CROCC2: variants seen among roughly 807,000 people sequenced by gnomAD.
CROCC2 encodes ciliary rootlet coiled-coil protein 2.
Under a neutral mutation model 177.6 loss-of-function variants are expected in CROCC2, and 163 were observed. That is an observed-to-expected ratio of 0.92 (90% CI 0.81 to 1.05). The LOEUF (loss-of-function observed/expected upper bound fraction) is 1.05, where lower values mean the gene tolerates loss of function less well. CROCC2 is among the 50% of genes least tolerant of loss of function. The pLI is 0.00. For missense variants in CROCC2, 1,929 were observed against 1,797.8 expected, an observed-to-expected ratio of 1.07 and a Z score of -1.32; for synonymous variants, 904 against 787.3, an observed-to-expected ratio of 1.15 and a Z score of -2.48.
chr2:240,965,482 C>A lies in CROCC2; in HGVS notation c.3567C>A (p.Ala1189=). The change falls in exon 23 of 32, where the codon GCC becomes GCA. Residue 1189 remains alanine, a synonymous_variant. Coordinates refer to ENST00000690015, the MANE Select transcript of CROCC2 (RefSeq NM_001351305.2). ...TGCTGGAGCTGCGGAGGCAGGCAGC[C>A]AAGGCAGAGGCCAAGCACGAGGGTG... ...QEVLELRRQA[A]KAEAKHEGAR... The A allele has an allele frequency of 6.5e-7, 1 of 1,550,076 alleles. No individual in the cohort carries two copies. Among genetic ancestry groups the A allele is most frequent in the South Asian group, 1.2e-5 (1 of 84,046 alleles).
rs946367433 is a variant in CROCC2, at chr2:240,911,987, A to G, written c.78+5396A>G. The stretch of plus-strand genomic sequence containing the variant: ...ATATTTCTTCGAGCCTCTGCTTTCA[A>G]TTCTTTCGGGCAGATGCCCAGAAGT... On this transcript the variant is annotated intron_variant, in intron 1 of 31. Transcript: ENST00000690015. Among the ~76,000 whole-genome samples the G allele has an allele frequency of 3.9e-5, 6 of 152,134 alleles. No homozygotes were observed. In the East Asian group the frequency reaches 9.6e-4, roughly 24 times the overall value.
chr2:240,962,057 C>T (rs1309066290), intron 20 of CROCC2, among the ~76,000 whole-genome samples: 1 of 140,826 alleles, frequency 7.1e-6, no homozygotes, highest in Admixed American at 7.1e-5. Context: ...CACACATACA[C>T]TCACACTCAC....
chr2:240,934,266 G>C, intron 11 of CROCC2, 65 bp from the exon 12 acceptor site: 1 of 1,515,956 alleles, frequency 6.6e-7, no homozygotes, highest in African/African-American at 1.4e-5. Flanking sequence ...TCGCCTGCCT[G>C]AAATCCCATG....
At chr2:240,946,037 T>A (rs1320907126) in intron 14 of CROCC2, 23 bp from the exon 15 acceptor site, 2 of 1,471,366 alleles carry the variant, frequency 1.4e-6, no homozygotes, top group Non-Finnish European at 1.8e-6. Flanking sequence ...CTCTGCCGAC[T>A]GTCCCCTCCC....
rs2059736884 is a variant in CROCC2 at position 240,973,476 on chromosome 2, C to T, written c.4401+5214C>T. 6.6e-6 allele frequency among the ~76,000 whole-genome samples: 1 copy of T among 152,210 alleles called. No individual in the cohort carries two copies. The highest frequency in any genetic ancestry group is 1.5e-5 in the Non-Finnish European group (1 of 68,044). On this transcript the variant is annotated intron_variant, in intron 27 of 31. Transcript: ENST00000690015. The surrounding 1 kb of genome is among the most constrained non-coding windows in gnomAD (Gnocchi z 4.7). ...GCGCCCAGTCACAGCCTCCGTGGCT[C>T]AGGGAAGCTCACGGCGTTCTTGGAC... is the stretch of plus-strand genomic sequence containing the variant.
intron 15 of CROCC2, among the ~76,000 whole-genome samples, chr2:240,947,010 T>G (rs2059528244): frequency 6.6e-6 from 1 of 152,264 alleles, no homozygotes; most frequent in South Asian, 2.1e-4. Flanking sequence ...TGTTGCCTGG[T>G]GATCTGAATG....
intron 1 of CROCC2, among the ~76,000 whole-genome samples, chr2:240,911,648 C>T (rs532398614): frequency 1.1e-4 from 16 of 151,802 alleles, no homozygotes; most frequent in African/African-American, 3.4e-4. Context: ...TCAACATTCA[C>T]GCCCCATTCC....
In CROCC2 at chr2:240,964,472, G is replaced by A; in HGVS notation, c.3312G>A (p.Lys1104=). The A allele has an allele frequency of 6.5e-7, 1 of 1,548,570 alleles. No homozygotes were observed. Among genetic ancestry groups the A allele is most frequent in the Non-Finnish European group, 8.7e-7 (1 of 1,146,800 alleles). The part of the protein sequence containing the change: ...CRAEQEKASF[K]RSKEEKEQKL... ...CCTGTGGCACCCTCGTCAGTTTTAA[G>A]CGGTCCAAGGAGGAGAAGGAGCAGA... Residue 1104 remains lysine, a synonymous_variant, in exon 22 of 32, where the codon AAG becomes AAA. Transcript: ENST00000690015.
rs186780930 is a variant in CROCC2 at position 240,963,582 on chromosome 2, C to T, written c.3114C>T (p.Thr1038=). ...CTGAGAGGCTGCGGGCACAGCTGAC[C>T]GTGGCCCAGGAGGGACTGGCCGCAC... ...REAERLRAQL[T]VAQEGLAALR... Residue 1038 remains threonine (T), a synonymous_variant, in exon 21 of 32, where the codon ACC becomes ACT. Transcript: ENST00000690015. The T allele has an allele frequency of 2.1e-4, 323 of 1,545,648 alleles. 2 individuals carry two copies. The African/African-American group carries it at 4.0e-3, about 19-fold the overall frequency.
intron 7 of CROCC2, among the ~76,000 whole-genome samples, chr2:240,931,339 T>C (rs2059430049): frequency 6.6e-6 from 1 of 152,156 alleles, no homozygotes; most frequent in Non-Finnish European, 1.5e-5. Flanking sequence ...CACTGGGGTC[T>C]CCTACAGTGA....
chr2:240,927,053 T>C (rs1006170404), intron 5 of CROCC2, among the ~76,000 whole-genome samples: 1 of 152,236 alleles, frequency 6.6e-6, no homozygotes, highest in Non-Finnish European at 1.5e-5. Context: ...TATTTTCCCT[T>C]TGTCCTTGAG....
chr2:240,983,172 G>A, intron 28 of CROCC2, 143 bp downstream of exon 28: 1 of 945,504 alleles, frequency 1.1e-6, no homozygotes, highest in Non-Finnish European at 1.6e-6. Flanking sequence ...AGGTGAGCAG[G>A]CCTGCAGAGA....
In CROCC2 at chr2:240,934,905, C is replaced by T. The variant is rs1012490450; in HGVS notation, c.1792-11C>T. On this transcript the variant is annotated splice_polypyrimidine_tract_variant and intron_variant, in intron 12 of 31. Coordinates refer to ENST00000690015, the MANE Select transcript of CROCC2 (RefSeq NM_001351305.2). ...GAAGGTCCCTCCCTGGCATCCCCCT[C>T]CCTGCCCCAGGCCGAGTGCAGCAAT... The T allele has an allele frequency of 3.3e-6, 5 of 1,494,556 alleles. No homozygotes were observed. The highest frequency in any genetic ancestry group is 1.4e-5 in the African/African-American group (1 of 69,974). 92.6% of individuals were successfully genotyped at this position (1,494,556 alleles called of 1,614,324 possible).
At chr2:240,944,415 T>C (rs1245964332) in intron 14 of CROCC2, among the ~76,000 whole-genome samples, 1 of 152,200 alleles carries the variant, frequency 6.6e-6, no homozygotes, top group Non-Finnish European at 1.5e-5. Flanking sequence ...CATCTCCTTT[T>C]GAGGCTGTAA....
intron 5 of CROCC2, among the ~76,000 whole-genome samples, chr2:240,928,517 C>T (rs937196919): frequency 6.6e-6 from 1 of 151,952 alleles, no homozygotes; most frequent in African/African-American, 2.4e-5. Flanking sequence ...CTAAGTGTTC[C>T]AGCCGTTCAG....
At chr2:240,921,300 G>A (rs958043205) in intron 3 of CROCC2, among the ~76,000 whole-genome samples, 12 of 152,136 alleles carry the variant, frequency 7.9e-5, no homozygotes, top group African/African-American at 2.7e-4. Flanking sequence ...CGGGAAACAC[G>A]TTTCCATCCA....
chr2:240,986,360 C>G (rs980457451), intron 28 of CROCC2, among the ~76,000 whole-genome samples: 1 of 152,190 alleles, frequency 6.6e-6, no homozygotes, highest in South Asian at 2.1e-4. Context: ...ACCCAGGCCT[C>G]CTCATGGCCC....
At chr2:240,962,059 C>CACACACAT (rs1559606642) in intron 20 of CROCC2, among the ~76,000 whole-genome samples, 4,899 of 141,878 alleles carry the variant, frequency 0.035, 259 homozygotes, top group African/African-American at 0.12. Context: ...CACATACACT[C>CACACACAT]ACACTCACAC....
intron 15 of CROCC2, among the ~76,000 whole-genome samples, chr2:240,946,759 C>T (rs2059526965): frequency 3.9e-5 from 6 of 152,234 alleles, no homozygotes; most frequent in Admixed American, 3.9e-4. Context: ...CCCTGCAAGG[C>T]CTGAGAGCGG....
Sources: allele counts gnomAD v4.1 joint callset (sites outside exome capture counted in the v4.1 genomes callset), GRCh38; gene constraint gnomAD v4.1.1; non-coding constraint Gnocchi (gnomAD v3.1); transcripts MANE v1.5; gene names NCBI Gene and HGNC (gene_info 2026-07-23, HGNC 2026-07-21).